Variants in ABCD2 observed in about 807,000 individuals in gnomAD.
The protein encoded by ABCD2 is ATP binding cassette subfamily D member 2.
In ABCD2, 36 loss-of-function variants were observed where a neutral mutation model predicts 70.9. That is an observed-to-expected ratio of 0.51 (90% confidence interval 0.39 to 0.67). The LOEUF (loss-of-function observed/expected upper bound fraction) is 0.67. ABCD2 is among the 30% of genes least tolerant of loss of function. The pLI is 0.00. For missense variants in ABCD2, 729 were observed against 890.2 expected, an observed-to-expected ratio of 0.82 and a Z score of 2.30; for synonymous variants, 304 against 306.9, an observed-to-expected ratio of 0.99 and a Z score of 0.10.
intron 9 of ABCD2, among the ~76,000 whole-genome samples, chr12:39,554,809 G>T (rs73096519): frequency 2.0e-5 from 3 of 152,072 alleles, no homozygotes; most frequent in Non-Finnish European, 2.9e-5. Context: ...CCATTCTGTC[G>T]GCTTTGTGGG....
chr12:39,564,932 A>G (rs1591970017), intron 9 of ABCD2, among the ~76,000 whole-genome samples: 1 of 152,148 alleles, frequency 6.6e-6, no homozygotes, highest in Non-Finnish European at 1.5e-5. Flanking sequence ...CAAAGATCAG[A>G]TGGTTGTAGA....
At chr12:39,573,972 A>C in intron 8 of ABCD2, 131 bp from the exon 9 acceptor site, 1 of 822,878 alleles carries the variant, frequency 1.2e-6, no homozygotes, top group South Asian at 2.3e-5. Flanking sequence ...AAAGGCAATA[A>C]ATGATAAAGC....
In ABCD2 at chr12:39,563,607, G is replaced by C. The variant is rs920854688; in HGVS notation, c.2004-9476C>G. 3.3e-5 allele frequency among the ~76,000 whole-genome samples: 5 copies of C among 152,004 alleles called. No homozygotes were observed. In the South Asian group the frequency reaches 1.0e-3, roughly 32 times the overall value. On this transcript the variant is annotated intron_variant, in intron 9 of 9. Transcript: ENST00000308666. The stretch of plus-strand genomic sequence containing the variant: ...TAAAGGAAAAAGATAAATTGTTCCT[G>C]GCTGCAGATAACATGTTCTTTTTTC...
In ABCD2 at chr12:39,551,213, A is replaced by G. The variant is rs1941082814; in HGVS notation, c.*2699T>C. On this transcript the variant is annotated 3_prime_UTR_variant, in exon 10 of 10. Coordinates refer to ENST00000308666, the MANE Select transcript of ABCD2 (RefSeq NM_005164.4). ...TGTAGAAATATAATGCAACGTTTTC[A>G]TAGAATCCAACTTATTTTTCAAGTT... The G allele has an allele frequency of 6.6e-6, 1 of 151,722 alleles. No homozygotes were observed. Among genetic ancestry groups the G allele is most frequent in the Non-Finnish European group, 1.5e-5 (1 of 67,674 alleles). The allele number at this position is 151,722 out of a possible 1,614,324, so 9.4% of individuals were successfully genotyped here. A position where few individuals can be genotyped will look rare whatever the true frequency, so the allele number is the denominator to read the frequency against.
rs555682620 is a variant in ABCD2 at position 39,604,060 on chromosome 12, ATAACG to A, written c.1406-59_1406-55del. The stretch of plus-strand genomic sequence containing the variant: ...AACATTATCACAGGTTTCTGATTAA[ATAACG>A]TAAATTATTATGCAGTATAACAGGT... On this transcript the variant is annotated intron_variant, in intron 4 of 9. Transcript: ENST00000308666. 143 of 1,262,768 alleles carry A rather than the reference ATAACG, an allele frequency of 1.1e-4. No homozygotes were observed. The African/African-American group carries it at 1.8e-3, about 16-fold the overall frequency. The allele number at this position is 1,262,768 out of a possible 1,614,324, so 78.2% of individuals were successfully genotyped here. A position where few individuals can be genotyped will look rare whatever the true frequency, so the allele number is the denominator to read the frequency against.
In ABCD2 at chr12:39,551,874, A is replaced by AAAT. The variant is rs2120506799; in HGVS notation, c.*2035_*2037dup. On this transcript the variant is annotated 3_prime_UTR_variant, in exon 10 of 10. Coordinates refer to ENST00000308666, the MANE Select transcript of ABCD2 (RefSeq NM_005164.4). Reference sequence around the variant, plus strand: ...TTATATTATGAAAATTAAGGCATGAAAATTATACACATCTTTCACATGAGG... The same window carrying AAAT: ...TTATATTATGAAAATTAAGGCATGAAAATAATTATACACATCTTTCACATGAGG... The AAAT allele has an allele frequency of 6.6e-6, 1 of 151,968 alleles. No homozygotes were observed. Among genetic ancestry groups the AAAT allele is most frequent in the East Asian group, 1.9e-4 (1 of 5,186 alleles). The allele number at this position is 151,968 out of a possible 1,614,324, so 9.4% of individuals were successfully genotyped here.
rs949120731 is a variant in ABCD2, at chr12:39,551,548, C to T, written c.*2364G>A. 2 of 151,658 alleles carry T rather than the reference C, an allele frequency of 1.3e-5. No individual in the cohort carries two copies. Among genetic ancestry groups the T allele is most frequent in the African/African-American group, 4.8e-5 (2 of 41,372 alleles). The allele number at this position is 151,658 out of a possible 1,614,324, so 9.4% of individuals were successfully genotyped here. On this transcript the variant is annotated 3_prime_UTR_variant, in exon 10 of 10. Coordinates refer to ENST00000308666, the MANE Select transcript of ABCD2 (RefSeq NM_005164.4). Reference sequence around the variant, plus strand: ...CAAGTTCAAATCAGAGATGTTTTCCCTTCCAAGTTAAGGATGTTGGTCCTG... The same window carrying T: ...CAAGTTCAAATCAGAGATGTTTTCCTTTCCAAGTTAAGGATGTTGGTCCTG...
chr12:39,564,927 A>G (rs888599061), intron 9 of ABCD2, among the ~76,000 whole-genome samples: 1 of 152,178 alleles, frequency 6.6e-6, no homozygotes, highest in Non-Finnish European at 1.5e-5. Flanking sequence ...TTTGTCAAAG[A>G]TCAGATGGTT....
At position 39,604,773 on chromosome 12, in the gene ABCD2, A is replaced by C; in HGVS notation, c.1394T>G (p.Leu465Trp). ...CTTGAGTTTAATACCTTTAATTGCC[A>C]ATGTGTCACTGAGAGGTAATTCTAC... Reference protein sequence around the residue: ...AKVELPLSDTLAIKGKVIDVD... With the variant: ...AKVELPLSDTWAIKGKVIDVD... The change falls in exon 4 of 10, where the codon TTG becomes TGG. Residue 465 changes from leucine to tryptophan, a missense_variant. Physicochemically the swap from Leu to Trp is moderately conservative, Grantham distance 61. Around this residue, in one of 3 missense-constraint regions of ABCD2, gnomAD observed 195 missense variants for 300.2 expected, o/e 0.65. Transcript: ENST00000308666. 6.3e-7 allele frequency: 1 copy of C among 1,595,312 alleles called. No individual in the cohort carries two copies. Among genetic ancestry groups the C allele is most frequent in the Non-Finnish European group, 8.5e-7 (1 of 1,174,076 alleles).
chr12:39,583,553 T>C (rs1301214478), intron 7 of ABCD2, among the ~76,000 whole-genome samples: 1 of 152,214 alleles, frequency 6.6e-6, no homozygotes, highest in Non-Finnish European at 1.5e-5. Context: ...GGGGCACATG[T>C]GAAGTTTTCT....
At chr12:39,606,765 T>A (rs1326541192) in intron 3 of ABCD2, among the ~76,000 whole-genome samples, 1 of 152,202 alleles carries the variant, frequency 6.6e-6, no homozygotes, top group African/African-American at 2.4e-5. Context: ...GTAGTGAGAA[T>A]AATTTTATGG....
At position 39,619,007 on chromosome 12, in the gene ABCD2, C is replaced by T. The variant is rs1942155092; in HGVS notation, c.609G>A (p.Leu203=). Residue 203 remains leucine (L), a synonymous_variant, in exon 1 of 10, where the codon CTG becomes CTA. Coordinates refer to ENST00000308666, the MANE Select transcript of ABCD2 (RefSeq NM_005164.4). ...YYKVINMDGR[L]ANPDQSLTED... ...CCGTAAGAGATTGGTCAGGGTTTGCCAGCCTCCCATCCATATTGATCACTT... is the reference window on the plus strand; with the variant it reads ...CCGTAAGAGATTGGTCAGGGTTTGCTAGCCTCCCATCCATATTGATCACTT... 1.2e-6 allele frequency: 2 copies of T among 1,614,084 alleles called. No homozygotes were observed. The highest frequency in any genetic ancestry group is 2.7e-5 in the African/African-American group (2 of 74,928).
At chr12:39,542,575 C>T in the ABCD2 span, among the ~76,000 whole-genome samples, 2 of 151,862 alleles carry the variant, frequency 1.3e-5, no homozygotes, top group East Asian at 3.9e-4. Flanking sequence ...TTGAACCTTG[C>T]TAATAATGGT....
chr12:39,562,587 A>G lies in ABCD2; in HGVS notation c.2004-8456T>C, dbSNP rs78580234. Among the ~76,000 whole-genome samples the G allele has an allele frequency of 2.4e-3, 372 of 152,294 alleles. 2 individuals are homozygous for G. The highest frequency in any genetic ancestry group is 8.5e-3 in the African/African-American group (352 of 41,588). ...ACCAACAAATTGATTAACCTAGAAG[A>G]AACGAATAAATTTTGAACACATACA... On this transcript the variant is annotated intron_variant, in intron 9 of 9. Coordinates refer to ENST00000308666, the MANE Select transcript of ABCD2 (RefSeq NM_005164.4).
intron 8 of ABCD2, among the ~76,000 whole-genome samples, chr12:39,578,423 G>T (rs945639971): frequency 6.8e-6 from 1 of 147,858 alleles, no homozygotes; most frequent in Non-Finnish European, 1.5e-5. Context: ...GCAGTGAGCC[G>T]AGATGGTGCC....
the ABCD2 span, among the ~76,000 whole-genome samples, chr12:39,542,615 G>A: frequency 1.3e-5 from 2 of 152,218 alleles, no homozygotes; most frequent in South Asian, 2.1e-4. Context: ...CTTATTCAAG[G>A]GCTGTTATTT....
chr12:39,571,701 A>T (rs577430970), intron 9 of ABCD2, among the ~76,000 whole-genome samples: 42 of 152,322 alleles, frequency 2.8e-4, no homozygotes, highest in South Asian at 1.7e-3. Context: ...ACTGAAACTC[A>T]TTTGAGATAA....
At chr12:39,569,037 A>AC (rs1298223259) in intron 9 of ABCD2, among the ~76,000 whole-genome samples, 1 of 152,004 alleles carries the variant, frequency 6.6e-6, no homozygotes, top group Non-Finnish European at 1.5e-5. Flanking sequence ...GTCTGCCCCT[A>AC]CTTGGGGGTG....
At chr12:39,571,663 G>A (rs959606178) in intron 9 of ABCD2, among the ~76,000 whole-genome samples, 15 of 152,148 alleles carry the variant, frequency 9.9e-5, no homozygotes, top group Admixed American at 9.2e-4. Flanking sequence ...TACAAGCTGA[G>A]ATAATATTTC....
Sources: allele counts gnomAD v4.1 joint callset (sites outside exome capture counted in the v4.1 genomes callset), GRCh38; gene constraint gnomAD v4.1.1; regional missense constraint gnomAD v4.1.1; transcripts MANE v1.5; gene names NCBI Gene and HGNC (gene_info 2026-07-23, HGNC 2026-07-21).